The following FOXP2 variants were observed in gnomAD, a reference collection of about 807,000 sequenced individuals.
FOXP2 encodes forkhead box P2, also known as forkhead box protein P2.
FOXP2 carries 12 observed loss-of-function variants against 115.8 expected under a neutral mutation model. The observed-to-expected ratio is 0.10, with a 90% CI of 0.07 to 0.17. FOXP2 has a LOEUF of 0.17. Ranked by LOEUF, FOXP2 falls within the 10% of genes least tolerant of loss-of-function variation. The probability of loss-of-function intolerance (pLI) is 1.00; values close to 1 mark genes in which losing one functional copy is unlikely to be tolerated. For synonymous variants in FOXP2, 328 were observed against 297.7 expected (o/e 1.10, Z -1.05); for missense variants, 629 against 843.5 (o/e 0.75, Z 3.15).
intron 1 of FOXP2, among the ~76,000 whole-genome samples, chr7:114,231,629 G>A (rs1158042421): frequency 6.6e-6 from 1 of 152,182 alleles, no homozygotes; most frequent in Non-Finnish European, 1.5e-5. Context: ...TGCAAGGACA[G>A]TTTGTGTGAT....
rs1326271876 is a variant in FOXP2, at chr7:114,691,897, C to T, written c.*1971C>T. On this transcript the variant is annotated 3_prime_UTR_variant, in exon 17 of 17. Coordinates refer to ENST00000350908, the MANE Select transcript of FOXP2 (RefSeq NM_014491.4). ...GCTTTCAAAAGGGTTTTCCCACTTA[C>T]CCAAAAGGCTTTCTGAAAGCTTCTA... is the stretch of plus-strand genomic sequence containing the variant. 2.2e-6 allele frequency: 1 copy of T among 450,284 alleles called. No individual in the cohort carries two copies. The highest frequency in any genetic ancestry group is 4.4e-6 in the Non-Finnish European group (1 of 225,964). 27.9% of individuals were successfully genotyped at this position (450,284 alleles called of 1,614,324 possible).
chr7:114,552,664 G>C (rs189435944), intron 3 of FOXP2, among the ~76,000 whole-genome samples: 1 of 152,000 alleles, frequency 6.6e-6, no homozygotes, highest in South Asian at 2.1e-4. Context: ...TTTGTTGTTG[G>C]ATATAATACA....
intron 2 of FOXP2, among the ~76,000 whole-genome samples, chr7:114,451,395 C>T (rs1795067053): frequency 6.6e-6 from 1 of 151,980 alleles, no homozygotes; most frequent in African/African-American, 2.4e-5. Flanking sequence ...TTCTCTAATC[C>T]TCAAATTATT....
At chr7:114,341,196 T>C (rs1172648260) in intron 2 of FOXP2, among the ~76,000 whole-genome samples, 1 of 151,204 alleles carries the variant, frequency 6.6e-6, no homozygotes, top group African/African-American at 2.4e-5. Context: ...CTCAGAACTA[T>C]CATATATTTA....
chr7:114,560,414 T>C (rs540014564), intron 3 of FOXP2, among the ~76,000 whole-genome samples: 21 of 152,174 alleles, frequency 1.4e-4, no homozygotes, highest in African/African-American at 4.8e-4. Context: ...GAGACCAGCC[T>C]GGCCAACATA....
At chr7:114,144,669 A>G (rs1291620576) in intron 1 of FOXP2, among the ~76,000 whole-genome samples, 4 of 152,156 alleles carry the variant, frequency 2.6e-5, no homozygotes, top group African/African-American at 9.7e-5. Context: ...GACCCTTAAA[A>G]TTATTATTTT....
chr7:114,253,337 T>G (rs1795505990), intron 1 of FOXP2, among the ~76,000 whole-genome samples: 2 of 152,132 alleles, frequency 1.3e-5, no homozygotes, highest in Non-Finnish European at 2.9e-5. Context: ...GTTCAATTCC[T>G]GGATATCCTT....
At chr7:114,156,524 G>C (rs13232399) in intron 1 of FOXP2, among the ~76,000 whole-genome samples, 103,944 of 152,022 alleles carry the variant, frequency 0.68, 40,399 homozygotes, top group Non-Finnish European at 0.87. Context: ...ACCTATGACC[G>C]GGAGACCCAT....
At chr7:114,335,382 T>C (rs1797825825) in intron 2 of FOXP2, among the ~76,000 whole-genome samples, 1 of 151,930 alleles carries the variant, frequency 6.6e-6, no homozygotes, top group South Asian at 2.1e-4. Context: ...TTCTATAATG[T>C]CTATAATTTA....
chr7:114,176,298 T>TTCTCTCTCTCTCTC (rs1554426487), intron 1 of FOXP2, among the ~76,000 whole-genome samples: 17 of 76,562 alleles, frequency 2.2e-4, no homozygotes, highest in African/African-American at 7.6e-4. Context: ...CTTTCTTTCT[T>TTCTCTCTCTCTCTC]TCTCTCTCTC....
At chr7:114,571,937 T>C (rs1563007151) in intron 3 of FOXP2, among the ~76,000 whole-genome samples, 1 of 151,768 alleles carries the variant, frequency 6.6e-6, no homozygotes, top group Non-Finnish European at 1.5e-5. Flanking sequence ...AGAGTATTTC[T>C]AAATTGACTC....
chr7:114,229,284 A>C (rs1191798580), intron 1 of FOXP2, among the ~76,000 whole-genome samples: 1 of 151,478 alleles, frequency 6.6e-6, no homozygotes, highest in Non-Finnish European at 1.5e-5. Context: ...ACATTGCCAG[A>C]ACTGAAAAGA....
At chr7:114,095,455 G>T (rs1481055318) in intron 1 of FOXP2, among the ~76,000 whole-genome samples, 1 of 146,386 alleles carries the variant, frequency 6.8e-6, no homozygotes, top group Non-Finnish European at 1.5e-5. Flanking sequence ...TTTTTAAAGG[G>T]TTTTTTTTTT....
chr7:114,204,213 G>T (rs542097813), intron 1 of FOXP2, among the ~76,000 whole-genome samples: 21 of 152,190 alleles, frequency 1.4e-4, no homozygotes, highest in Admixed American at 2.6e-4. Flanking sequence ...CATTTCAATG[G>T]TACTTTTTAT....
intron 1 of FOXP2, among the ~76,000 whole-genome samples, chr7:114,117,088 GA>G (rs1377710969): frequency 6.6e-6 from 1 of 151,920 alleles, no homozygotes; most frequent in African/African-American, 2.4e-5. Flanking sequence ...AGCCTCAGGG[GA>G]AAAAATTTTA....
chr7:114,399,900 A>G (rs1584695090), intron 2 of FOXP2, among the ~76,000 whole-genome samples: 1 of 141,714 alleles, frequency 7.1e-6, no homozygotes, highest in Non-Finnish European at 1.5e-5. Context: ...TCTGTCACCC[A>G]GGCTGGAGTG....
chr7:114,431,783 A>G (rs1381831122), intron 2 of FOXP2, among the ~76,000 whole-genome samples: 1 of 151,982 alleles, frequency 6.6e-6, no homozygotes, highest in African/African-American at 2.4e-5. Context: ...TTTTAATATG[A>G]TAACAGCCTA....
intron 3 of FOXP2, among the ~76,000 whole-genome samples, chr7:114,568,959 A>G (rs1801157527): frequency 6.6e-6 from 1 of 151,946 alleles, no homozygotes; most frequent in South Asian, 2.1e-4. Flanking sequence ...ATGATATTTT[A>G]TTTAACATAG....
intron 16 of FOXP2, chr7:114,669,676 G>C (rs1344610863): frequency 6.6e-6 from 1 of 151,994 alleles, no homozygotes; most frequent in African/African-American, 2.4e-5. Context: ...CTTCTCTCAT[G>C]TGTTGGACTT....
Sources: allele counts gnomAD v4.1 joint callset (sites outside exome capture counted in the v4.1 genomes callset), GRCh38; gene constraint gnomAD v4.1.1; transcripts MANE v1.5; gene names NCBI Gene and HGNC (gene_info 2026-07-23, HGNC 2026-07-21).